The following PRCD variants were observed in gnomAD, a reference collection of about 807,000 sequenced individuals.
PRCD encodes the protein photoreceptor disk component PRCD.
Under a neutral mutation model 10.1 loss-of-function variants are expected in PRCD, and 12 were observed. That is an observed-to-expected ratio of 1.18 (90% confidence interval 0.76 to 1.92). The LOEUF (loss-of-function observed/expected upper bound fraction) is 1.92. Among genes scored for constraint, PRCD ranks in the 40% most tolerant of loss-of-function variants. The pLI is 0.00. For synonymous variants in PRCD, 31 were observed against 26.2 expected, an observed-to-expected ratio of 1.18 and a Z score of -0.56; for missense variants, 61 against 72.2, an observed-to-expected ratio of 0.84 and a Z score of 0.56.
At chr17:76,551,860 G>A (rs1017650384) in intron 1 of PRCD, 1 of 149,858 alleles carries the variant, frequency 6.7e-6, no homozygotes, top group African/African-American at 2.5e-5. Flanking sequence ...TCACTTATGA[G>A]TTCCTTTAAC....
In PRCD at chr17:76,545,225, A is replaced by C; in HGVS notation, c.*1575A>C. ...TTTGCAGCTCCTGCTGCAGAAAGTT[A>C]CCTCTCTCAGCCTAGAGCTCCCCAC... On this transcript the variant is annotated 3_prime_UTR_variant, in exon 5 of 5. Coordinates refer to ENST00000592014, the MANE Select transcript of PRCD (RefSeq NM_001077620.3). 2.2e-6 allele frequency: 1 copy of C among 456,616 alleles called. No homozygotes were observed. The highest frequency in any genetic ancestry group is 1.5e-5 in the South Asian group (1 of 64,570). 28.3% of individuals were successfully genotyped at this position (456,616 alleles called of 1,614,324 possible).
Position 76,530,839 on chromosome 17 carries a change from G to T in PRCD, n.45+3006G>T. 1 of 900,438 alleles carries T rather than the reference G, an allele frequency of 1.1e-6. No individual in the cohort carries two copies. The highest frequency in any genetic ancestry group is 1.6e-6 in the Non-Finnish European group (1 of 610,448). 55.8% of individuals were successfully genotyped at this position (900,438 alleles called of 1,614,324 possible). On this transcript the variant is annotated intron_variant and non_coding_transcript_variant, in intron 1 of 4. Coordinates refer to the PRCD transcript ENST00000397633. The surrounding 1 kb of genome is among the most constrained non-coding windows in gnomAD (Gnocchi z 6.1). ...TTTCCTATTATGCCTGTTCTTACATGTCAGACCCCAGGGTTGGCCTGCCTC... is the reference window on the plus strand; with the variant it reads ...TTTCCTATTATGCCTGTTCTTACATTTCAGACCCCAGGGTTGGCCTGCCTC...
Position 76,544,836 on chromosome 17 carries a change from G to A in PRCD, c.*1186G>A, listed in dbSNP as rs568033840. 3.5e-3 allele frequency: 1,618 copies of A among 456,812 alleles called. 8 individuals carry two copies. Among genetic ancestry groups the A allele is most frequent in the African/African-American group, 0.014 (726 of 50,218 alleles). 28.3% of individuals were successfully genotyped at this position (456,812 alleles called of 1,614,324 possible). A position where few individuals can be genotyped will look rare whatever the true frequency, so the allele number is the denominator to read the frequency against. On this transcript the variant is annotated 3_prime_UTR_variant, in exon 5 of 5. Transcript: ENST00000592014. The stretch of plus-strand genomic sequence containing the variant: ...CTTCCACTGGTCTGAGGAATTGTCA[G>A]GCCAAGGTCATGGAGCTGGCTCACG...
chr17:76,542,885 T>G (rs549967225), intron 3 of PRCD, 144 bp from the exon 4 acceptor site: 6 of 598,678 alleles, frequency 1.0e-5, no homozygotes, highest in African/African-American at 9.1e-5. Flanking sequence ...GGCTTGGGGA[T>G]GGCGAGGTGG....
intron 1 of PRCD, chr17:76,550,554 A>C (rs2143218936): frequency 6.6e-6 from 1 of 152,332 alleles, no homozygotes; most frequent in East Asian, 1.9e-4. Flanking sequence ...GAGCCACCGC[A>C]CCCGCCTAAG....
In PRCD at chr17:76,533,946, C is replaced by T. The variant is rs994456875; in HGVS notation, n.45+6113C>T. Among the ~76,000 whole-genome samples, 6 of 151,886 alleles carry T rather than the reference C, an allele frequency of 4.0e-5. No individual in the cohort carries two copies. Among genetic ancestry groups the T allele is most frequent in the Non-Finnish European group, 7.4e-5 (5 of 67,966 alleles). ...CTTGGGAGGCTGCAGCAGGAAGATC[C>T]GATCGCATCACGAGCCCAGGATTGG... On this transcript the variant is annotated intron_variant and non_coding_transcript_variant, in intron 1 of 4. Coordinates refer to the PRCD transcript ENST00000397633. The surrounding 1 kb of genome is among the most constrained non-coding windows in gnomAD (Gnocchi z 4.5).
rs2074791843 is a variant in PRCD at position 76,528,423 on chromosome 17, G to T, written n.45+590G>T. On this transcript the variant is annotated intron_variant and non_coding_transcript_variant, in intron 1 of 4. Coordinates refer to the PRCD transcript ENST00000397633. This position sits in a 1 kb window ranked among gnomAD's most constrained non-coding sequence, Gnocchi z 5.8. Reference sequence around the variant, plus strand: ...GCGCCGCCTCCCAGCAGCTCCAGGGGGGGACCCTGGCCGCCACAGAGGCCT... The same window carrying T: ...GCGCCGCCTCCCAGCAGCTCCAGGGTGGGACCCTGGCCGCCACAGAGGCCT... The T allele has an allele frequency of 1.5e-6, 1 of 659,974 alleles. No homozygotes were observed. 40.9% of individuals were successfully genotyped at this position (659,974 alleles called of 1,614,324 possible).
At chr17:76,552,877 A>AT (rs1431318792) in intron 1 of PRCD, 63 of 122,394 alleles carry the variant, frequency 5.1e-4, no homozygotes, top group African/African-American at 1.5e-3. Context: ...AAAAAAAAAA[A>AT]AAAAATATAT....
chr17:76,531,566 T>C lies in PRCD; in HGVS notation n.45+3733T>C. The C allele has an allele frequency of 6.2e-7, 1 of 1,614,108 alleles. No individual in the cohort carries two copies. The highest frequency in any genetic ancestry group is 1.1e-5 in the South Asian group (1 of 91,086). On this transcript the variant is annotated intron_variant and non_coding_transcript_variant, in intron 1 of 4. Transcript: ENST00000397633. The surrounding 1 kb of genome is among the most constrained non-coding windows in gnomAD (Gnocchi z 7.4). ...GTCATGCAGGTTCTCCACGACAGTG[T>C]TGAGGGCCCCCATGACTCGGCAGGC...
Position 76,528,689 on chromosome 17 carries a change from G to A in PRCD, n.45+856G>A. 1.6e-6 allele frequency: 2 copies of A among 1,217,002 alleles called. No homozygotes were observed. The highest frequency in any genetic ancestry group is 2.1e-6 in the Non-Finnish European group (2 of 958,928). 75.4% of individuals were successfully genotyped at this position (1,217,002 alleles called of 1,614,324 possible). A position where few individuals can be genotyped will look rare whatever the true frequency, so the allele number is the denominator to read the frequency against. On this transcript the variant is annotated intron_variant and non_coding_transcript_variant, in intron 1 of 4. Coordinates refer to the PRCD transcript ENST00000397633. The surrounding 1 kb of genome is among the most constrained non-coding windows in gnomAD (Gnocchi z 5.8). The stretch of plus-strand genomic sequence containing the variant: ...CCCTCGGGGGAAAGGGGGAGGACCT[G>A]GGGCTGGCGAGGCTCACTTCCTGCC...
Position 76,544,241 on chromosome 17 carries a change from C to A in PRCD, c.*591C>A, listed in dbSNP as rs1275409168. 2.2e-6 allele frequency: 1 copy of A among 454,586 alleles called. No individual in the cohort carries two copies. Among genetic ancestry groups the A allele is most frequent in the East Asian group, 6.9e-5 (1 of 14,398 alleles). The allele number at this position is 454,586 out of a possible 1,614,324, so 28.2% of individuals were successfully genotyped here. On this transcript the variant is annotated 3_prime_UTR_variant, in exon 5 of 5. Transcript: ENST00000592014. Reference sequence around the variant, plus strand: ...CGTCTCTCCTCCCCAGCCAGCCCCCCTCCCAGCCCAGCGGCGATGTCTCTG... The same window carrying A: ...CGTCTCTCCTCCCCAGCCAGCCCCCATCCCAGCCCAGCGGCGATGTCTCTG...
intron 1 of PRCD, among the ~76,000 whole-genome samples, chr17:76,552,596 G>A (rs2075118064): frequency 6.6e-6 from 1 of 151,866 alleles, no homozygotes; most frequent in South Asian, 2.1e-4. Flanking sequence ...AGCTGTGATG[G>A]CTCATGCTTG....
At position 76,530,978 on chromosome 17, in the gene PRCD, C is replaced by T. The variant is rs753908896; in HGVS notation, n.45+3145C>T. On this transcript the variant is annotated intron_variant and non_coding_transcript_variant, in intron 1 of 4. Transcript: ENST00000397633. This position sits in a 1 kb window ranked among gnomAD's most constrained non-coding sequence, Gnocchi z 6.1. The stretch of plus-strand genomic sequence containing the variant: ...CAGCCCACCCTCGCCCGCCTCCTCA[C>T]GTGGTGGCGTTGGGGACCTGCTGCA... 4.4e-6 allele frequency: 7 copies of T among 1,595,708 alleles called. No individual in the cohort carries two copies. The highest frequency in any genetic ancestry group is 2.6e-6 in the Non-Finnish European group (3 of 1,170,240).
At position 76,531,295 on chromosome 17, in the gene PRCD, C is replaced by T. The variant is rs111406262; in HGVS notation, n.45+3462C>T. Among the ~76,000 whole-genome samples the T allele has an allele frequency of 1.4e-3, 211 of 152,360 alleles. No individual in the cohort carries two copies. The highest frequency in any genetic ancestry group is 5.0e-3 in the African/African-American group (207 of 41,590). On this transcript the variant is annotated intron_variant and non_coding_transcript_variant, in intron 1 of 4. Transcript: ENST00000397633. This position sits in a 1 kb window ranked among gnomAD's most constrained non-coding sequence, Gnocchi z 7.4. ...CCCCGTGCTCTCAGGACAAGGGTTG[C>T]CCTGGACCCAGCCCCTCCATCCTGC...
intron 1 of PRCD, chr17:76,551,570 T>A (rs181876655): frequency 6.6e-6 from 1 of 152,244 alleles, no homozygotes; most frequent in Admixed American, 6.5e-5. Context: ...GATCCCAGGT[T>A]TTTAAATTTT....
At chr17:76,536,954 G>T (rs1598207743), upstream of PRCD, among the ~76,000 whole-genome samples, 1 of 152,176 alleles carries the variant, frequency 6.6e-6, no homozygotes, top group African/African-American at 2.4e-5. Flanking sequence ...TTTGAATCCC[G>T]CAAGCCGCTG....
At chr17:76,537,421 A>G (rs2074930680), upstream of PRCD, 1 of 1,597,604 alleles carries the variant, frequency 6.3e-7, no homozygotes, top group East Asian at 2.3e-5. Flanking sequence ...GGCCACCCCC[A>G]CGTCCTCGCA....
At chr17:76,552,506 TCA>T (rs1200570677) in intron 1 of PRCD, among the ~76,000 whole-genome samples, 2 of 151,892 alleles carry the variant, frequency 1.3e-5, no homozygotes, top group Non-Finnish European at 2.9e-5. Flanking sequence ...GCCTAAAATC[TCA>T]CATTTTGTAA....
rs2074838884 is a variant in PRCD, at chr17:76,531,326, G to A, written n.45+3493G>A. ...ACCCAGCCCCTCCATCCTGCTGCCGGGCACTGCCCCTCCCTCTCGCAGCCA... is the reference window on the plus strand; with the variant it reads ...ACCCAGCCCCTCCATCCTGCTGCCGAGCACTGCCCCTCCCTCTCGCAGCCA... On this transcript the variant is annotated intron_variant and non_coding_transcript_variant, in intron 1 of 4. Coordinates refer to the PRCD transcript ENST00000397633. This position sits in a 1 kb window ranked among gnomAD's most constrained non-coding sequence, Gnocchi z 7.4. 3 of 1,250,234 alleles carry A rather than the reference G, an allele frequency of 2.4e-6. No homozygotes were observed. The highest frequency in any genetic ancestry group is 3.3e-6 in the Non-Finnish European group (3 of 902,226). 77.4% of individuals were successfully genotyped at this position (1,250,234 alleles called of 1,614,324 possible).
Sources: gnomAD v4.1 joint callset for allele counts (sites outside exome capture counted in the v4.1 genomes callset) on GRCh38, gnomAD v4.1.1 for gene constraint, Gnocchi (gnomAD v3.1) non-coding constraint, MANE v1.5 for transcripts, NCBI Gene and HGNC (gene_info 2026-07-23, HGNC 2026-07-21) for gene names.